CADM2: variants seen among roughly 807,000 people sequenced by gnomAD.
The protein encoded by CADM2 is cell adhesion molecule 2.
Under a neutral mutation model 49.8 loss-of-function variants are expected in CADM2, and 12 were observed. The ratio of observed to expected loss-of-function variants is 0.24; its 90% CI spans 0.15 to 0.39. The LOEUF is 0.39. Ranked by LOEUF, CADM2 falls within the 10% of genes least tolerant of loss-of-function variation. The probability of loss-of-function intolerance (pLI) is 1.00; values close to 1 mark genes in which losing one functional copy is unlikely to be tolerated. For synonymous variants in CADM2, 214 were observed against 175.4 expected (o/e 1.22, Z -1.74); for missense variants, 378 against 492.3 (o/e 0.77, Z 2.20).
chr3:85,817,586 T>A (rs907689063), intron 3 of CADM2, among the ~76,000 whole-genome samples: 1 of 152,208 alleles, frequency 6.6e-6, no homozygotes, highest in Non-Finnish European at 1.5e-5. Context: ...CTCATGACCT[T>A]CTGCAAACAT....
intron 1 of CADM2, among the ~76,000 whole-genome samples, chr3:85,150,923 AAATAATAATAAT>A (rs199583843): frequency 4.1e-5 from 6 of 146,816 alleles, no homozygotes; most frequent in South Asian, 2.1e-4. Context: ...AAATAAAAAT[AAATAATAATAAT>A]AATAATAATA....
At chr3:85,970,989 A>G (rs1312804749) in intron 8 of CADM2, among the ~76,000 whole-genome samples, 1 of 151,668 alleles carries the variant, frequency 6.6e-6, no homozygotes, top group Admixed American at 6.6e-5. Context: ...AGAAATCTTA[A>G]AACAGTTTTT....
intron 2 of CADM2, among the ~76,000 whole-genome samples, chr3:85,774,317 G>A (rs926507365): frequency 1.3e-5 from 2 of 151,720 alleles, no homozygotes; most frequent in African/African-American, 4.8e-5. Context: ...GATATTTTAT[G>A]CAGTATTATT....
At chr3:85,965,304 ATAT>A (rs1168801290) in intron 8 of CADM2, among the ~76,000 whole-genome samples, 9 of 142,560 alleles carry the variant, frequency 6.3e-5, no homozygotes, top group East Asian at 2.0e-4. Flanking sequence ...TTAAATATAA[ATAT>A]TATGATAAAT....
chr3:85,636,439 A>G (rs1285475157), intron 1 of CADM2, among the ~76,000 whole-genome samples: 1 of 152,210 alleles, frequency 6.6e-6, no homozygotes, highest in East Asian at 1.9e-4. Context: ...GCAATGTGTT[A>G]TTACAAAAGA....
At chr3:85,302,365 T>G (rs2044122447) in intron 1 of CADM2, among the ~76,000 whole-genome samples, 1 of 152,034 alleles carries the variant, frequency 6.6e-6, no homozygotes, top group Non-Finnish European at 1.5e-5. Flanking sequence ...TTTTGGACAA[T>G]GCAGGAATCC....
At chr3:85,721,464 C>G (rs2067500604) in intron 1 of CADM2, among the ~76,000 whole-genome samples, 2 of 152,158 alleles carry the variant, frequency 1.3e-5, no homozygotes. Flanking sequence ...CACTACTGGC[C>G]TGGGTCTCAT....
At chr3:85,861,845 G>A (rs773053583) in intron 3 of CADM2, among the ~76,000 whole-genome samples, 6 of 151,602 alleles carry the variant, frequency 4.0e-5, no homozygotes, top group Non-Finnish European at 8.8e-5. Context: ...ATAAGATAAA[G>A]CATTCAAAGC....
intron 1 of CADM2, among the ~76,000 whole-genome samples, chr3:85,241,253 A>G (rs1404092757): frequency 6.6e-6 from 1 of 151,524 alleles, no homozygotes; most frequent in Non-Finnish European, 1.5e-5. Context: ...TTGAAAAATA[A>G]GAGAATATTG....
intron 1 of CADM2, among the ~76,000 whole-genome samples, chr3:85,630,306 A>G (rs906893686): frequency 2.4e-4 from 37 of 151,996 alleles, no homozygotes; most frequent in African/African-American, 6.3e-4. Flanking sequence ...ATACCTGACA[A>G]TCTTTAATCA....
intron 1 of CADM2, among the ~76,000 whole-genome samples, chr3:85,330,479 A>G (rs908831363): frequency 6.6e-6 from 1 of 152,206 alleles, no homozygotes; most frequent in Non-Finnish European, 1.5e-5. Context: ...TGCTCCAACA[A>G]CACTGACACC....
chr3:85,288,712 G>A (rs1270919406), intron 1 of CADM2, among the ~76,000 whole-genome samples: 2 of 149,754 alleles, frequency 1.3e-5, no homozygotes, highest in African/African-American at 4.9e-5. Flanking sequence ...TTGCAGTGTT[G>A]GTGTATATTC....
At chr3:85,278,023 T>C (rs2043401896) in intron 1 of CADM2, among the ~76,000 whole-genome samples, 1 of 151,256 alleles carries the variant, frequency 6.6e-6, no homozygotes, top group African/African-American at 2.4e-5. Flanking sequence ...CCCCTTTTTT[T>C]TTCTATTTCC....
chr3:85,705,546 A>G (rs539428508), intron 1 of CADM2, among the ~76,000 whole-genome samples: 1 of 152,356 alleles, frequency 6.6e-6, no homozygotes, highest in East Asian at 1.9e-4. Context: ...TCATCTGTTG[A>G]GAATGTATTC....
intron 1 of CADM2, among the ~76,000 whole-genome samples, chr3:85,413,574 G>T (rs1344406359): frequency 6.6e-6 from 1 of 152,140 alleles, no homozygotes; most frequent in African/African-American, 2.4e-5. Context: ...GGCAGAAGGG[G>T]AAGGGGAAGC....
At chr3:85,437,154 C>T (rs1294421536) in intron 1 of CADM2, among the ~76,000 whole-genome samples, 1 of 151,966 alleles carries the variant, frequency 6.6e-6, no homozygotes, top group Non-Finnish European at 1.5e-5. Context: ...ATTTTAGTTT[C>T]CTCTATGTCT....
chr3:85,821,572 C>T (rs769013654), intron 3 of CADM2, among the ~76,000 whole-genome samples: 2 of 152,024 alleles, frequency 1.3e-5, no homozygotes, highest in Non-Finnish European at 2.9e-5. Context: ...TTGTTGCATA[C>T]ACAAGAAGTT....
intron 1 of CADM2, among the ~76,000 whole-genome samples, chr3:85,282,840 G>C (rs1428579381): frequency 1.3e-5 from 2 of 151,866 alleles, no homozygotes; most frequent in East Asian, 3.9e-4. Flanking sequence ...CACACAGCAG[G>C]GTGACTATAC....
intron 1 of CADM2, among the ~76,000 whole-genome samples, chr3:84,997,974 G>C (rs1297157271): frequency 6.6e-6 from 1 of 152,086 alleles, no homozygotes; most frequent in Non-Finnish European, 1.5e-5. Flanking sequence ...TTTTCCCCAA[G>C]TAAAATTGCA....
Sources: gnomAD v4.1 joint callset for allele counts (sites outside exome capture counted in the v4.1 genomes callset) on GRCh38, gnomAD v4.1.1 for gene constraint, MANE v1.5 for transcripts, NCBI Gene and HGNC (gene_info 2026-07-23, HGNC 2026-07-21) for gene names.